The following NCKAP5 variants were observed in gnomAD, a reference collection of about 807,000 sequenced individuals.
NCKAP5 encodes the protein NCK associated protein 5, also known as nck-associated protein 5.
Under a neutral mutation model 167.0 loss-of-function variants are expected in NCKAP5, and 92 were observed. The ratio of observed to expected loss-of-function variants is 0.55; its 90% CI spans 0.47 to 0.66. NCKAP5 has a LOEUF of 0.66. NCKAP5 is among the 30% of genes least tolerant of loss of function. The pLI is 0.00. For synonymous variants in NCKAP5, 891 were observed against 877.4 expected, an observed-to-expected ratio of 1.02 and a Z score of -0.27; for missense variants, 2,378 against 2,315.0, an observed-to-expected ratio of 1.03 and a Z score of -0.56.
intron 3 of NCKAP5, among the ~76,000 whole-genome samples, chr2:133,502,549 A>C (rs575957130): frequency 1.3e-5 from 2 of 152,176 alleles, no homozygotes; most frequent in African/African-American, 4.8e-5. Flanking sequence ...AAATCTATTC[A>C]GTCTTCTACC....
the NCKAP5 span, among the ~76,000 whole-genome samples, chr2:133,649,576 G>A: frequency 6.6e-6 from 1 of 151,912 alleles, no homozygotes; most frequent in Middle Eastern, 3.2e-3. Flanking sequence ...AAGGATGGTT[G>A]GTTCCACATA....
chr2:132,900,615 A>G (rs1317481699), intron 8 of NCKAP5, among the ~76,000 whole-genome samples: 5 of 152,224 alleles, frequency 3.3e-5, no homozygotes, highest in Non-Finnish European at 7.3e-5. Flanking sequence ...TGAGGTATCA[A>G]GTCCAACCAC....
intron 6 of NCKAP5, among the ~76,000 whole-genome samples, chr2:133,044,511 T>C (rs2079325090): frequency 6.6e-6 from 1 of 152,016 alleles, no homozygotes; most frequent in African/African-American, 2.4e-5. Flanking sequence ...TAAATTCTAA[T>C]AAAAACCACA....
Position 133,552,499 on chromosome 2 carries a change from A to G in NCKAP5, c.-62+6551T>C, listed in dbSNP as rs541410775. Among the ~76,000 whole-genome samples, 12 of 146,788 alleles carry G rather than the reference A, an allele frequency of 8.2e-5. 1 individual carries two copies. The highest frequency in any genetic ancestry group is 3.0e-4 in the African/African-American group (12 of 39,824). ...TCTCAGTAAACTATCGCAAGAACAA[A>G]AAACCAAACACCGCATATTCTCACT... On this transcript the variant is annotated intron_variant, in intron 2 of 19. Transcript: ENST00000409261.
intron 6 of NCKAP5, among the ~76,000 whole-genome samples, chr2:133,071,462 C>CA (rs1252519442): frequency 2.0e-5 from 3 of 151,928 alleles, no homozygotes; most frequent in Non-Finnish European, 4.4e-5. Flanking sequence ...AAAAAACAAA[C>CA]AAACAAAAAA....
chr2:133,627,524 C>A, the NCKAP5 span, among the ~76,000 whole-genome samples: 1 of 152,128 alleles, frequency 6.6e-6, no homozygotes. Flanking sequence ...CCTGTAATCC[C>A]AGCACCTGGG....
intron 19 of NCKAP5, among the ~76,000 whole-genome samples, chr2:132,723,267 T>C (rs1378118770): frequency 6.6e-6 from 1 of 150,514 alleles, no homozygotes; most frequent in African/African-American, 2.5e-5. Flanking sequence ...TGCCTCAGAG[T>C]AGCTGAGACT....
chr2:133,661,282 A>G, the NCKAP5 span, among the ~76,000 whole-genome samples: 6 of 152,204 alleles, frequency 3.9e-5, no homozygotes, highest in Non-Finnish European at 7.3e-5. Flanking sequence ...AATTTGATCA[A>G]CTAGGAACCT....
At chr2:133,499,549 CT>C (rs1559529866) in intron 3 of NCKAP5, among the ~76,000 whole-genome samples, 10 of 151,008 alleles carry the variant, frequency 6.6e-5, no homozygotes, top group African/African-American at 2.4e-4. Flanking sequence ...TCTAAGTGTT[CT>C]TTTTTGTTTT....
chr2:132,939,063 C>T (rs10195459), intron 8 of NCKAP5, among the ~76,000 whole-genome samples: 40,825 of 152,024 alleles, frequency 0.27, 6,623 homozygotes, highest in Admixed American at 0.43. Flanking sequence ...TGTCTTCCAA[C>T]AAGTAATAAA....
chr2:132,738,393 T>C (rs564799765), intron 16 of NCKAP5, among the ~76,000 whole-genome samples: 1 of 152,310 alleles, frequency 6.6e-6, no homozygotes, highest in African/African-American at 2.4e-5. Flanking sequence ...ACAGTAACTC[T>C]GGCTCTCATC....
At chr2:133,279,637 G>A (rs1428910512) in intron 4 of NCKAP5, among the ~76,000 whole-genome samples, 1 of 152,014 alleles carries the variant, frequency 6.6e-6, no homozygotes, top group Non-Finnish European at 1.5e-5. Flanking sequence ...AATGGCCCAG[G>A]GCCAACTGAA....
At chr2:132,695,558 C>G (rs1687225338) in intron 19 of NCKAP5, among the ~76,000 whole-genome samples, 1 of 152,156 alleles carries the variant, frequency 6.6e-6, no homozygotes, top group South Asian at 2.1e-4. Flanking sequence ...GAGAAATCCT[C>G]AGTGGAATTG....
chr2:133,603,563 C>T, the NCKAP5 span, among the ~76,000 whole-genome samples: 11 of 149,466 alleles, frequency 7.4e-5, no homozygotes, highest in Non-Finnish European at 1.3e-4. Context: ...TTTTTTGAGA[C>T]GGAGTCTTGC....
At chr2:133,110,558 A>G in intron 6 of NCKAP5, among the ~76,000 whole-genome samples, 1 of 152,304 alleles carries the variant, frequency 6.6e-6, no homozygotes, top group South Asian at 2.1e-4. Context: ...TTAGGGCGAG[A>G]AAAAGCAGAA....
chr2:133,013,748 C>T (rs1254775158), intron 6 of NCKAP5, among the ~76,000 whole-genome samples: 1 of 151,238 alleles, frequency 6.6e-6, no homozygotes, highest in Admixed American at 6.6e-5. Flanking sequence ...GCCCTCTGGA[C>T]TTTTGCTCCT....
intron 2 of NCKAP5, among the ~76,000 whole-genome samples, chr2:133,547,323 C>G (rs1297759744): frequency 2.0e-5 from 3 of 152,168 alleles, no homozygotes; most frequent in South Asian, 2.1e-4. Context: ...CATTGCCCAG[C>G]CTTGATTAGG....
chr2:133,520,163 C>T (rs1471777112), intron 2 of NCKAP5, among the ~76,000 whole-genome samples: 1 of 152,144 alleles, frequency 6.6e-6, no homozygotes, highest in Non-Finnish European at 1.5e-5. Context: ...TGCACTCCAG[C>T]CTGGCTGGCT....
chr2:133,076,487 G>T (rs1270035204), intron 6 of NCKAP5, among the ~76,000 whole-genome samples: 1 of 152,060 alleles, frequency 6.6e-6, no homozygotes, highest in Non-Finnish European at 1.5e-5. Context: ...AAAAAATGTT[G>T]ATTTTAAATT....
Sources: allele counts gnomAD v4.1 joint callset (sites outside exome capture counted in the v4.1 genomes callset), GRCh38; gene constraint gnomAD v4.1.1; transcripts MANE v1.5; gene names NCBI Gene and HGNC (gene_info 2026-07-23, HGNC 2026-07-21).